Variants in ENTREP2 observed in about 807,000 individuals in gnomAD.
ENTREP2 encodes endosomal transmembrane epsin interactor 2.
chr15:29,617,636 T>A, the ENTREP2 span, among the ~76,000 whole-genome samples: 4 of 152,224 alleles, frequency 2.6e-5, no homozygotes, highest in Admixed American at 2.6e-4. Flanking sequence ...CAGGTGCAAC[T>A]TAGGTTAAAA....
the ENTREP2 span, among the ~76,000 whole-genome samples, chr15:29,534,228 A>G: frequency 6.6e-6 from 1 of 151,328 alleles, no homozygotes; most frequent in African/African-American, 2.4e-5. Flanking sequence ...AGCTTTTACA[A>G]CCCTAACTAC....
At chr15:29,298,431 C>A in the ENTREP2 span, among the ~76,000 whole-genome samples, 2 of 151,754 alleles carry the variant, frequency 1.3e-5, no homozygotes, top group African/African-American at 4.8e-5. Context: ...AAGGGAAAAA[C>A]AATTCATTGA....
the ENTREP2 span, among the ~76,000 whole-genome samples, chr15:29,305,456 A>AG: frequency 6.6e-6 from 1 of 152,240 alleles, no homozygotes; most frequent in Admixed American, 6.5e-5. Context: ...GCCTTGGTCC[A>AG]GCAAGAGATT....
chr15:29,536,002 G>A, the ENTREP2 span, among the ~76,000 whole-genome samples: 181 of 152,232 alleles, frequency 1.2e-3, 3 homozygotes, highest in Middle Eastern at 0.017. Context: ...CAACAGCCAC[G>A]TTCCCTCTTC....
chr15:29,637,637 G>C, the ENTREP2 span, among the ~76,000 whole-genome samples: 1 of 152,166 alleles, frequency 6.6e-6, no homozygotes, highest in Non-Finnish European at 1.5e-5. Context: ...TAACCTCAAG[G>C]GACAGAGAGA....
the ENTREP2 span, among the ~76,000 whole-genome samples, chr15:29,366,061 G>C: frequency 6.6e-6 from 1 of 152,084 alleles, no homozygotes; most frequent in Non-Finnish European, 1.5e-5. Context: ...AATAAATACT[G>C]TTCTATGTCA....
the ENTREP2 span, among the ~76,000 whole-genome samples, chr15:29,565,393 C>CA: frequency 0.017 from 2,284 of 134,958 alleles, 32 homozygotes; most frequent in African/African-American, 0.041. Context: ...AATCTATCCT[C>CA]AAAAAAAAAA....
At chr15:29,663,318 G>A in the ENTREP2 span, among the ~76,000 whole-genome samples, 8 of 151,982 alleles carry the variant, frequency 5.3e-5, no homozygotes, top group Middle Eastern at 6.8e-3. Flanking sequence ...TCAGGAGTTC[G>A]AGACCAGCCT....
chr15:29,589,592 A>G, the ENTREP2 span, among the ~76,000 whole-genome samples: 1 of 152,238 alleles, frequency 6.6e-6, no homozygotes, highest in Non-Finnish European at 1.5e-5. Context: ...AACTGTGGCC[A>G]TGAACACCGC....
the ENTREP2 span, among the ~76,000 whole-genome samples, chr15:29,343,161 TATTTTCATAA>T: frequency 2.0e-5 from 3 of 152,142 alleles, no homozygotes. Flanking sequence ...TATTTGTTTA[TATTTTCATAA>T]AGGAAGTATG....
the ENTREP2 span, among the ~76,000 whole-genome samples, chr15:29,627,524 A>G: frequency 6.7e-6 from 1 of 148,904 alleles, no homozygotes; most frequent in African/African-American, 2.5e-5. Flanking sequence ...GCCTGGTGAC[A>G]GAGCAAGACT....
the ENTREP2 span, among the ~76,000 whole-genome samples, chr15:29,178,307 A>G: frequency 7.9e-4 from 120 of 151,692 alleles, no homozygotes; most frequent in African/African-American, 2.5e-3. Flanking sequence ...AAAAAAAAAA[A>G]AAAGAAAGAA....
At chr15:29,276,867 C>T in the ENTREP2 span, among the ~76,000 whole-genome samples, 1 of 152,184 alleles carries the variant, frequency 6.6e-6, no homozygotes, top group African/African-American at 2.4e-5. Flanking sequence ...GACTTTGGAG[C>T]TAGGGAAGGT....
chr15:29,572,313 G>A, the ENTREP2 span, among the ~76,000 whole-genome samples: 1 of 152,152 alleles, frequency 6.6e-6, no homozygotes, highest in Admixed American at 6.5e-5. Flanking sequence ...TAAGCCTCTG[G>A]CCGGCATTGT....
the ENTREP2 span, among the ~76,000 whole-genome samples, chr15:29,221,841 G>A: frequency 3.9e-5 from 6 of 152,260 alleles, no homozygotes; most frequent in East Asian, 9.6e-4. Flanking sequence ...AGAGACCCAA[G>A]CAAGAATGTT....
chr15:29,607,825 T>C, the ENTREP2 span, among the ~76,000 whole-genome samples: 1,300 of 84,940 alleles, frequency 0.015, 23 homozygotes, highest in Admixed American at 0.054. Flanking sequence ...GATAGATAGA[T>C]AGACAGACAG....
chr15:29,126,402 C>T, the ENTREP2 span: 86 of 1,548,586 alleles, frequency 5.6e-5, 1 homozygote, highest in South Asian at 6.7e-4. Context: ...TCGGAGGGTG[C>T]TGGGGCGCCC....
chr15:29,356,555 T>C, the ENTREP2 span, among the ~76,000 whole-genome samples: 3 of 151,902 alleles, frequency 2.0e-5, no homozygotes, highest in East Asian at 5.8e-4. Flanking sequence ...TCCGCCCGCC[T>C]CGGCCTCCCA....
At chr15:29,599,371 G>A in the ENTREP2 span, among the ~76,000 whole-genome samples, 12 of 152,226 alleles carry the variant, frequency 7.9e-5, no homozygotes, top group Non-Finnish European at 1.5e-4. Flanking sequence ...GACAGACCAT[G>A]AGGTTCTGCT....
Sources: gnomAD v4.1 joint callset for allele counts (sites outside exome capture counted in the v4.1 genomes callset) on GRCh38, gnomAD v4.1.1 for gene constraint, MANE v1.5 for transcripts, NCBI Gene and HGNC (gene_info 2026-07-23, HGNC 2026-07-21) for gene names.